KCNQ1: variants seen among roughly 807,000 people sequenced by gnomAD.
KCNQ1 encodes the protein potassium voltage-gated channel subfamily KQT member 1.
KCNQ1 carries 49 observed loss-of-function variants against 72.4 expected under a neutral mutation model. That is an observed-to-expected ratio of 0.68 (90% confidence interval 0.54 to 0.86). The LOEUF is 0.86. Ranked by LOEUF, KCNQ1 falls within the 40% of genes least tolerant of loss-of-function variation. The pLI is 0.00. For missense variants in KCNQ1, 790 were observed against 945.1 expected (o/e 0.84, Z 2.15); for synonymous variants, 450 against 412.6 (o/e 1.09, Z -1.10).
intron 10 of KCNQ1, chr11:2,641,929 A>G (rs765906775): frequency 2.5e-6 from 1 of 398,478 alleles, no homozygotes; most frequent in Non-Finnish European, 4.4e-6. Context: ...TTTGTCAAAA[A>G]TCAGTTGGCT....
Position 2,507,588 on chromosome 11 carries a change from C to T in KCNQ1, c.387-20340C>T, listed in dbSNP as rs533295937. On this transcript the variant is annotated intron_variant, in intron 1 of 15. Transcript: ENST00000155840. The surrounding 1 kb of genome is among the most constrained non-coding windows in gnomAD (Gnocchi z 5.4). ...TTTCTGACATGGGTCAGGGTTGGGG[C>T]GAAGGAGTCCAGCTGGGGACATGTT... is the stretch of plus-strand genomic sequence containing the variant. Among the ~76,000 whole-genome samples, 8 of 152,106 alleles carry T rather than the reference C, an allele frequency of 5.3e-5. No individual in the cohort carries two copies. Among genetic ancestry groups the T allele is most frequent in the African/African-American group, 1.7e-4 (7 of 41,492 alleles).
intron 1 of KCNQ1, among the ~76,000 whole-genome samples, chr11:2,502,838 G>A (rs1379148074): frequency 3.3e-5 from 5 of 152,214 alleles, no homozygotes; most frequent in South Asian, 4.1e-4. Context: ...AAACAGACAC[G>A]TAGACCAATG....
intron 10 of KCNQ1, chr11:2,655,962 C>T (rs1849839469): frequency 2.5e-6 from 1 of 398,592 alleles, no homozygotes; most frequent in South Asian, 1.3e-4. Flanking sequence ...GTGCAGGTCC[C>T]ACCCACTCTG....
rs1453831550 is a variant in KCNQ1, at chr11:2,642,410, T to C, written c.1394-19551T>C. 2.5e-6 allele frequency: 1 copy of C among 398,084 alleles called. No individual in the cohort carries two copies. Among genetic ancestry groups the C allele is most frequent in the Non-Finnish European group, 4.4e-6 (1 of 225,838 alleles). 24.7% of individuals were successfully genotyped at this position (398,084 alleles called of 1,614,324 possible). A position where few individuals can be genotyped will look rare whatever the true frequency, so the allele number is the denominator to read the frequency against. ...CTTGATTTCTTTCTCAGCTGGTTCT[T>C]TATTGGTATATAGAAATAAGCCTGA... On this transcript the variant is annotated intron_variant, in intron 10 of 15. Transcript: ENST00000155840. The surrounding 1 kb of genome is among the most constrained non-coding windows in gnomAD (Gnocchi z 4.3).
At chr11:2,804,382 G>A (rs577197007) in intron 15 of KCNQ1, among the ~76,000 whole-genome samples, 35 of 152,306 alleles carry the variant, frequency 2.3e-4, no homozygotes, top group Admixed American at 2.0e-3. Flanking sequence ...AATGCAGGCC[G>A]CCTGGTCAAG....
chr11:2,846,893 G>A (rs1848340801), intron 15 of KCNQ1, among the ~76,000 whole-genome samples: 1 of 152,206 alleles, frequency 6.6e-6, no homozygotes, highest in Non-Finnish European at 1.5e-5. Context: ...TGACCTCCCT[G>A]CCAGCTTTGC....
At position 2,473,610 on chromosome 11, in the gene KCNQ1, G is replaced by A. The variant is rs182646749; in HGVS notation, c.386+28126G>A. ...TGTGGCTTGTAGAGCGAGGGTGTGC[G>A]GCCGGCATCATCCTCAGGGAACTCT... is the stretch of plus-strand genomic sequence containing the variant. On this transcript the variant is annotated intron_variant, in intron 1 of 15. Coordinates refer to ENST00000155840, the MANE Select transcript of KCNQ1 (RefSeq NM_000218.3). This position sits in a 1 kb window ranked among gnomAD's most constrained non-coding sequence, Gnocchi z 6.0. Among the ~76,000 whole-genome samples the A allele has an allele frequency of 2.6e-4, 40 of 152,258 alleles. No homozygotes were observed. Among genetic ancestry groups the A allele is most frequent in the Non-Finnish European group, 5.3e-4 (36 of 67,998 alleles).
rs1283168156 is a variant in KCNQ1 at position 2,768,819 on chromosome 11, A to ATCTCC, written c.1515-15_1515-11dup. 2 of 1,606,218 alleles carry ATCTCC rather than the reference A, an allele frequency of 1.2e-6. No homozygotes were observed. The highest frequency in any genetic ancestry group is 1.7e-6 in the Non-Finnish European group (2 of 1,172,940). ...GACCAGCACAGGGTGGCCACTCACAATCTCCTCTCCTCTCTCCACTGCAGG... is the reference window on the plus strand; with the variant it reads ...GACCAGCACAGGGTGGCCACTCACAATCTCCTCTCCTCTCCTCTCTCCACTGCAGG... On this transcript the variant is annotated intron_variant, in intron 11 of 15. Coordinates refer to ENST00000155840, the MANE Select transcript of KCNQ1 (RefSeq NM_000218.3). The surrounding 1 kb of genome is among the most constrained non-coding windows in gnomAD (Gnocchi z 6.7).
At chr11:2,591,577 G>A (rs550157575) in intron 10 of KCNQ1, among the ~76,000 whole-genome samples, 2 of 152,358 alleles carry the variant, frequency 1.3e-5, no homozygotes, top group South Asian at 2.1e-4. Context: ...GCCGGGGGCT[G>A]GGGACCCAGC....
rs1317104092 is a variant in KCNQ1, at chr11:2,781,357, A to AG, written c.1794+3322dup. On this transcript the variant is annotated intron_variant, in intron 15 of 15. Coordinates refer to ENST00000155840, the MANE Select transcript of KCNQ1 (RefSeq NM_000218.3). This position sits in a 1 kb window ranked among gnomAD's most constrained non-coding sequence, Gnocchi z 6.6. ...GGTGGGAGATGAGGTAGAGAGAGCA[A>AG]GGAGGGGTTTCATATCACCCAAAGT... 2.0e-5 allele frequency among the ~76,000 whole-genome samples: 3 copies of AG among 152,160 alleles called. No homozygotes were observed.
Position 2,663,923 on chromosome 11 carries a change from G to A in KCNQ1, c.1514+1842G>A. 5.0e-6 allele frequency: 2 copies of A among 398,714 alleles called. No homozygotes were observed. The highest frequency in any genetic ancestry group is 8.8e-6 in the Non-Finnish European group (2 of 226,114). The allele number at this position is 398,714 out of a possible 1,614,324, so 24.7% of individuals were successfully genotyped here. A position where few individuals can be genotyped will look rare whatever the true frequency, so the allele number is the denominator to read the frequency against. ...GCTGTGTCATCTAGGACACTGGGCT[G>A]TTTCTTGTTCCACTCCAGGATGACA... On this transcript the variant is annotated intron_variant, in intron 11 of 15. Coordinates refer to ENST00000155840, the MANE Select transcript of KCNQ1 (RefSeq NM_000218.3). The surrounding 1 kb of genome is among the most constrained non-coding windows in gnomAD (Gnocchi z 5.2).
At chr11:2,561,871 C>T (rs971632326) in intron 2 of KCNQ1, among the ~76,000 whole-genome samples, 4 of 152,072 alleles carry the variant, frequency 2.6e-5, no homozygotes, top group African/African-American at 9.7e-5. Context: ...CTTGGGTGGC[C>T]AGGGCCTCAG....
chr11:2,467,184 G>T (rs1846364318), intron 1 of KCNQ1, among the ~76,000 whole-genome samples: 1 of 152,200 alleles, frequency 6.6e-6, no homozygotes, highest in South Asian at 2.1e-4. Flanking sequence ...GGGTGCCTCT[G>T]CAGGGGTGGA....
intron 10 of KCNQ1, chr11:2,628,811 C>A (rs1471466879): frequency 2.5e-6 from 1 of 397,984 alleles, no homozygotes; most frequent in Non-Finnish European, 4.4e-6. Context: ...GGGTAAGGTT[C>A]CAATTTAATT....
rs192002459 is a variant in KCNQ1, at chr11:2,612,309, A to C, written c.1393+23455A>C. 1 of 398,676 alleles carries C rather than the reference A, an allele frequency of 2.5e-6. No homozygotes were observed. The highest frequency in any genetic ancestry group is 2.1e-5 in the African/African-American group (1 of 48,776). The allele number at this position is 398,676 out of a possible 1,614,324, so 24.7% of individuals were successfully genotyped here. Reference sequence around the variant, plus strand: ...TCTAGGTTGTGCACTCCGTATGAGAATCTAACTAAAGCCTCCCCCAACTGG... The same window carrying C: ...TCTAGGTTGTGCACTCCGTATGAGACTCTAACTAAAGCCTCCCCCAACTGG... On this transcript the variant is annotated intron_variant, in intron 10 of 15. Transcript: ENST00000155840. This position sits in a 1 kb window ranked among gnomAD's most constrained non-coding sequence, Gnocchi z 5.5.
At position 2,512,272 on chromosome 11, in the gene KCNQ1, G is replaced by A. The variant is rs374576502; in HGVS notation, c.387-15656G>A. 3.4e-4 allele frequency among the ~76,000 whole-genome samples: 52 copies of A among 152,296 alleles called. No individual in the cohort carries two copies. In the East Asian group the frequency reaches 4.8e-3, roughly 14 times the overall value. ...GCCCTACGGGTGCTGGAGCCGGGGC[G>A]GGAGAGGGCCGCAGGCTGCCCCTGC... is the stretch of plus-strand genomic sequence containing the variant. On this transcript the variant is annotated intron_variant, in intron 1 of 15. Coordinates refer to ENST00000155840, the MANE Select transcript of KCNQ1 (RefSeq NM_000218.3).
intron 10 of KCNQ1, among the ~76,000 whole-genome samples, chr11:2,606,892 A>ATTTTTTTTTTTTTTT (rs869121696): frequency 1.2e-5 from 1 of 82,766 alleles, no homozygotes; most frequent in African/African-American, 5.3e-5. Flanking sequence ...ATTATCTGTG[A>ATTTTTTTTTTTTTTT]TTTTTTTTTT....
At chr11:2,607,885 T>G (rs1438554732) in intron 10 of KCNQ1, among the ~76,000 whole-genome samples, 2 of 152,158 alleles carry the variant, frequency 1.3e-5, no homozygotes, top group African/African-American at 4.8e-5. Flanking sequence ...GTTTTGAGGG[T>G]TTTACATCAT....
At chr11:2,798,893 G>T (rs768799819) in intron 15 of KCNQ1, among the ~76,000 whole-genome samples, 1 of 152,202 alleles carries the variant, frequency 6.6e-6, no homozygotes, top group African/African-American at 2.4e-5. Context: ...GACAGGGGAA[G>T]GGGCTGGAGG....
Sources: allele counts gnomAD v4.1 joint callset (sites outside exome capture counted in the v4.1 genomes callset), GRCh38; gene constraint gnomAD v4.1.1; non-coding constraint Gnocchi (gnomAD v3.1); transcripts MANE v1.5; gene names NCBI Gene and HGNC (gene_info 2026-07-23, HGNC 2026-07-21).